Variants in SORCS1 observed in about 807,000 individuals in gnomAD.
SORCS1 encodes the protein sortilin related VPS10 domain containing receptor 1.
Under a neutral mutation model 146.1 loss-of-function variants are expected in SORCS1, and 60 were observed. The observed-to-expected ratio is 0.41, with a 90% confidence interval of 0.33 to 0.51. The LOEUF (loss-of-function observed/expected upper bound fraction) is 0.51, where lower values mean the gene tolerates loss of function less well. Among genes scored for constraint, SORCS1 ranks in the 20% least tolerant of loss-of-function variants. SORCS1 has a pLI of 0.21. For missense variants in SORCS1, 1,352 were observed against 1,487.6 expected, an observed-to-expected ratio of 0.91 and a Z score of 1.50; for synonymous variants, 637 against 584.0, an observed-to-expected ratio of 1.09 and a Z score of -1.31.
chr10:107,057,556 G>T (rs1283575770), intron 1 of SORCS1, among the ~76,000 whole-genome samples: 1 of 152,130 alleles, frequency 6.6e-6, no homozygotes, highest in Admixed American at 6.6e-5. Flanking sequence ...AACTAAGCCA[G>T]ATAGAGTTTC....
chr10:106,885,695 T>C (rs944115390), intron 2 of SORCS1, among the ~76,000 whole-genome samples: 19 of 151,392 alleles, frequency 1.3e-4, no homozygotes, highest in African/African-American at 4.4e-4. Flanking sequence ...TTTGGCTGTG[T>C]CCCCCCCCAA....
intron 24 of SORCS1, among the ~76,000 whole-genome samples, chr10:106,585,736 G>A (rs951738468): frequency 6.6e-6 from 1 of 152,230 alleles, no homozygotes; most frequent in Admixed American, 6.5e-5. Context: ...GGAAGCAATG[G>A]TGTGCTAATT....
intron 2 of SORCS1, among the ~76,000 whole-genome samples, chr10:106,938,742 C>A (rs1266198822): frequency 6.6e-6 from 1 of 152,130 alleles, no homozygotes; most frequent in Non-Finnish European, 1.5e-5. Flanking sequence ...AAGCAGAGTC[C>A]ACAAATCCCT....
chr10:106,634,446 T>C (rs959799137), intron 18 of SORCS1, among the ~76,000 whole-genome samples: 1 of 152,206 alleles, frequency 6.6e-6, no homozygotes, highest in Non-Finnish European at 1.5e-5. Flanking sequence ...ACAGAAAAAC[T>C]GGAGCACAGA....
intron 1 of SORCS1, among the ~76,000 whole-genome samples, chr10:107,144,676 G>C (rs1333584488): frequency 2.0e-5 from 3 of 152,220 alleles, no homozygotes; most frequent in African/African-American, 7.2e-5. Context: ...CTGAACCCCA[G>C]CTGAAGAGCC....
At chr10:106,763,130 T>A (rs1218207243) in intron 4 of SORCS1, among the ~76,000 whole-genome samples, 1 of 152,128 alleles carries the variant, frequency 6.6e-6, no homozygotes, top group Non-Finnish European at 1.5e-5. Flanking sequence ...TGTAAAAGTA[T>A]CAGGACAGTT....
intron 1 of SORCS1, among the ~76,000 whole-genome samples, chr10:107,002,908 A>C (rs1957276923): frequency 6.6e-6 from 1 of 152,222 alleles, no homozygotes; most frequent in African/African-American, 2.4e-5. Flanking sequence ...GGGGACTGAC[A>C]GTCTTACAGA....
chr10:107,104,547 T>G (rs964110480), intron 1 of SORCS1, among the ~76,000 whole-genome samples: 15 of 151,742 alleles, frequency 9.9e-5, no homozygotes, highest in African/African-American at 3.4e-4. Flanking sequence ...TGGAGAACAG[T>G]AAAGGAACAT....
At chr10:106,871,646 A>G (rs531615615) in intron 2 of SORCS1, among the ~76,000 whole-genome samples, 93 of 152,196 alleles carry the variant, frequency 6.1e-4, no homozygotes, top group Non-Finnish European at 1.1e-3. Context: ...CAAGAACAGA[A>G]AACCAAATAC....
rs985591012 is a variant in SORCS1, at chr10:106,709,156, G to A, written c.1143+67C>T. 3.4e-5 allele frequency: 44 copies of A among 1,277,416 alleles called. No individual in the cohort carries two copies. The African/African-American group carries it at 6.2e-4, about 18-fold the overall frequency. The allele number at this position is 1,277,416 out of a possible 1,614,324, so 79.1% of individuals were successfully genotyped here. Reference sequence around the variant, plus strand: ...TGACTCTTAATGGAGTGTAAAGCAGGCAAAAGGGACAGAAACAAGGAAAAG... The same window carrying A: ...TGACTCTTAATGGAGTGTAAAGCAGACAAAAGGGACAGAAACAAGGAAAAG... On this transcript the variant is annotated intron_variant, in intron 7 of 25. Coordinates refer to ENST00000263054, the MANE Select transcript of SORCS1 (RefSeq NM_052918.5).
intron 3 of SORCS1, among the ~76,000 whole-genome samples, chr10:106,777,469 A>C (rs1245809454): frequency 6.6e-6 from 1 of 152,216 alleles, no homozygotes; most frequent in Non-Finnish European, 1.5e-5. Context: ...AATGCATAGA[A>C]AGATGCCCAG....
At chr10:106,724,003 T>C (rs1052712179) in intron 6 of SORCS1, among the ~76,000 whole-genome samples, 4 of 152,146 alleles carry the variant, frequency 2.6e-5, no homozygotes, top group African/African-American at 9.7e-5. Context: ...TAATATATTA[T>C]ATATCAAGAT....
At chr10:107,030,196 G>A (rs998572513) in intron 1 of SORCS1, among the ~76,000 whole-genome samples, 2 of 152,102 alleles carry the variant, frequency 1.3e-5, no homozygotes, top group Non-Finnish European at 1.5e-5. Context: ...CAATACTTAA[G>A]TACCAGGTGA....
chr10:106,783,078 A>T (rs1246755643), intron 3 of SORCS1, among the ~76,000 whole-genome samples: 1 of 152,136 alleles, frequency 6.6e-6, no homozygotes, highest in Non-Finnish European at 1.5e-5. Context: ...CTCTGCTATT[A>T]TCAGTTGTGC....
At chr10:107,061,898 A>C (rs1032111710) in intron 1 of SORCS1, among the ~76,000 whole-genome samples, 2 of 152,208 alleles carry the variant, frequency 1.3e-5, no homozygotes, top group African/African-American at 4.8e-5. Flanking sequence ...ATATATGTGA[A>C]ATAAATATTA....
intron 9 of SORCS1, among the ~76,000 whole-genome samples, chr10:106,692,650 A>T (rs1853386919): frequency 6.6e-6 from 1 of 152,244 alleles, no homozygotes; most frequent in Non-Finnish European, 1.5e-5. Flanking sequence ...TAAAGGAAAG[A>T]TATAACAATC....
intron 1 of SORCS1, among the ~76,000 whole-genome samples, chr10:107,107,731 C>A (rs570014619): frequency 6.6e-6 from 1 of 152,164 alleles, no homozygotes; most frequent in Non-Finnish European, 1.5e-5. Flanking sequence ...TTTGAGAGGG[C>A]CAACTCATGC....
intron 17 of SORCS1, among the ~76,000 whole-genome samples, chr10:106,657,594 C>G (rs1005679996): frequency 6.6e-5 from 10 of 150,648 alleles, no homozygotes; most frequent in Non-Finnish European, 1.2e-4. Flanking sequence ...CACTTGTACT[C>G]CAAAAGGTAT....
chr10:106,913,030 C>T (rs982383355), intron 2 of SORCS1, among the ~76,000 whole-genome samples: 1 of 151,382 alleles, frequency 6.6e-6, no homozygotes, highest in Non-Finnish European at 1.5e-5. Flanking sequence ...GATTAAAAGC[C>T]AGATCGTGAG....
Sources: gnomAD v4.1 joint callset for allele counts (sites outside exome capture counted in the v4.1 genomes callset) on GRCh38, gnomAD v4.1.1 for gene constraint, MANE v1.5 for transcripts, NCBI Gene and HGNC (gene_info 2026-07-23, HGNC 2026-07-21) for gene names.